The following PDGFD variants were observed in gnomAD, a reference collection of about 807,000 sequenced individuals.
PDGFD encodes platelet-derived growth factor D.
PDGFD carries 30 observed loss-of-function variants against 44.7 expected under a neutral mutation model. The observed-to-expected ratio is 0.67, with a 90% confidence interval of 0.50 to 0.91. The LOEUF is 0.91. Among genes scored for constraint, PDGFD ranks in the 40% least tolerant of loss-of-function variants. The pLI, the probability that PDGFD is intolerant of heterozygous loss-of-function variation, is 0.00. For synonymous variants in PDGFD, 173 were observed against 168.4 expected (o/e 1.03, Z -0.21); for missense variants, 445 against 457.8 (o/e 0.97, Z 0.25).
chr11:103,923,062 C>T lies in PDGFD; in HGVS notation c.987+3850G>A, dbSNP rs373489355. 1.7e-4 allele frequency among the ~76,000 whole-genome samples: 26 copies of T among 152,278 alleles called. No homozygotes were observed. The South Asian group carries it at 5.4e-3, about 32-fold the overall frequency. On this transcript the variant is annotated intron_variant, in intron 6 of 6. Transcript: ENST00000393158. ...ATCAGGTTGAACCACTTTTTTGGGT[C>T]TTCCTTACCAAGGCCTCTGTGTCAC...
intron 3 of PDGFD, among the ~76,000 whole-genome samples, chr11:103,982,667 C>A (rs548048360): frequency 3.3e-5 from 5 of 151,692 alleles, no homozygotes; most frequent in Non-Finnish European, 5.9e-5. Context: ...CTAGAAAACC[C>A]CATCATCTCA....
At chr11:104,001,089 G>C (rs1859612583) in intron 1 of PDGFD, among the ~76,000 whole-genome samples, 1 of 152,222 alleles carries the variant, frequency 6.6e-6, no homozygotes. Context: ...TTAAGGGTTA[G>C]GGTTTGGAGC....
At chr11:103,912,232 A>C (rs1474318917) in intron 6 of PDGFD, among the ~76,000 whole-genome samples, 1 of 152,230 alleles carries the variant, frequency 6.6e-6, no homozygotes, top group Non-Finnish European at 1.5e-5. Context: ...CCAGAGAGAA[A>C]GGTTGGGTTA....
At chr11:104,032,163 G>A (rs904824247) in intron 1 of PDGFD, among the ~76,000 whole-genome samples, 1 of 151,312 alleles carries the variant, frequency 6.6e-6, no homozygotes, top group African/African-American at 2.4e-5. Flanking sequence ...AAATTAAAAA[G>A]AAATAAACAC....
At chr11:104,032,544 A>AT (rs771340483) in intron 1 of PDGFD, among the ~76,000 whole-genome samples, 67 of 151,812 alleles carry the variant, frequency 4.4e-4, no homozygotes, top group African/African-American at 1.3e-3. Context: ...TAGGTATTCT[A>AT]TTTTTTTTCA....
intron 1 of PDGFD, among the ~76,000 whole-genome samples, chr11:104,125,313 T>C (rs900436328): frequency 4.6e-5 from 7 of 152,088 alleles, no homozygotes; most frequent in Non-Finnish European, 8.8e-5. Context: ...CTTTATCTGA[T>C]AATAGGGCTA....
At chr11:104,060,012 AGAAT>A (rs1242786914) in intron 1 of PDGFD, among the ~76,000 whole-genome samples, 8 of 152,230 alleles carry the variant, frequency 5.3e-5, no homozygotes, top group Non-Finnish European at 1.2e-4. Flanking sequence ...GAGAAACATC[AGAAT>A]GAAATGGTAT....
At position 103,955,819 on chromosome 11, in the gene PDGFD, T is replaced by C. The variant is rs139692811; in HGVS notation, c.511-8095A>G. Among the ~76,000 whole-genome samples, 13 of 152,168 alleles carry C rather than the reference T, an allele frequency of 8.5e-5. No individual in the cohort carries two copies. In the East Asian group the frequency reaches 2.3e-3, roughly 27 times the overall value. ...TAAATAAATAAATTTTAATAAGAAA[T>C]ATAGATAAGACACACAGATTTTCAC... On this transcript the variant is annotated intron_variant, in intron 3 of 6. Transcript: ENST00000393158.
At chr11:103,987,718 G>A (rs994367568) in intron 3 of PDGFD, among the ~76,000 whole-genome samples, 4 of 152,124 alleles carry the variant, frequency 2.6e-5, no homozygotes, top group African/African-American at 9.7e-5. Flanking sequence ...ATAAAGAAAG[G>A]CTAGTAAGTG....
intron 1 of PDGFD, among the ~76,000 whole-genome samples, chr11:104,010,684 C>T (rs1859771512): frequency 2.6e-5 from 4 of 152,038 alleles, no homozygotes; most frequent in Admixed American, 1.3e-4. Flanking sequence ...TAGATTTTAT[C>T]ACATTCATAT....
intron 3 of PDGFD, among the ~76,000 whole-genome samples, chr11:103,989,855 G>A (rs2134358239): frequency 6.6e-6 from 1 of 152,172 alleles, no homozygotes; most frequent in South Asian, 2.1e-4. Context: ...CATGCACTAT[G>A]ATAAAACATA....
intron 1 of PDGFD, among the ~76,000 whole-genome samples, chr11:104,125,387 T>C (rs1501457): frequency 0.13 from 19,841 of 152,098 alleles, 1,428 homozygotes; most frequent in East Asian, 0.29. Flanking sequence ...GGGCTTCAAA[T>C]AATTAAAAAA....
chr11:104,042,840 G>A (rs557806070), intron 1 of PDGFD, among the ~76,000 whole-genome samples: 116 of 152,086 alleles, frequency 7.6e-4, no homozygotes, highest in Non-Finnish European at 1.1e-3. Context: ...ATAAAGATCC[G>A]TTAAGATGCA....
chr11:104,109,341 T>G (rs1861517156), intron 1 of PDGFD, among the ~76,000 whole-genome samples: 1 of 152,120 alleles, frequency 6.6e-6, no homozygotes, highest in Admixed American at 6.6e-5. Context: ...TAAGCCTCAG[T>G]CTCTTCATCC....
intron 6 of PDGFD, among the ~76,000 whole-genome samples, chr11:103,922,460 A>C (rs1858240060): frequency 6.6e-6 from 1 of 152,124 alleles, no homozygotes; most frequent in Non-Finnish European, 1.5e-5. Flanking sequence ...GAAGTCATAA[A>C]ACCTAGGATT....
At chr11:104,086,095 TG>T (rs1291448717) in intron 1 of PDGFD, among the ~76,000 whole-genome samples, 1 of 152,150 alleles carries the variant, frequency 6.6e-6, no homozygotes, top group African/African-American at 2.4e-5. Flanking sequence ...ATATCTAAGG[TG>T]GCTAGTGACA....
intron 3 of PDGFD, among the ~76,000 whole-genome samples, chr11:103,981,174 A>T (rs141062024): frequency 2.0e-5 from 3 of 151,684 alleles, no homozygotes; most frequent in Non-Finnish European, 4.4e-5. Context: ...TGGGTTAGTT[A>T]TCATAGAAGT....
At chr11:104,139,180 TA>T (rs1309470863) in intron 1 of PDGFD, among the ~76,000 whole-genome samples, 1 of 152,288 alleles carries the variant, frequency 6.6e-6, no homozygotes, top group Non-Finnish European at 1.5e-5. Flanking sequence ...AGAATTGTAT[TA>T]TTTCCAATTT....
chr11:104,079,237 A>G (rs361305), intron 1 of PDGFD, among the ~76,000 whole-genome samples: 72,067 of 151,986 alleles, frequency 0.47, 18,980 homozygotes, highest in African/African-American at 0.72. Flanking sequence ...TCACCACAAC[A>G]TGTAGGTGAT....
Sources: gnomAD v4.1 joint callset for allele counts (sites outside exome capture counted in the v4.1 genomes callset) on GRCh38, gnomAD v4.1.1 for gene constraint, MANE v1.5 for transcripts, NCBI Gene and HGNC (gene_info 2026-07-23, HGNC 2026-07-21) for gene names.